The following KIAA1958 variants were observed in gnomAD, a reference collection of about 807,000 sequenced individuals.
KIAA1958 encodes the protein uncharacterized protein KIAA1958.
Under a neutral mutation model 47.2 loss-of-function variants are expected in KIAA1958, and 14 were observed. The observed-to-expected ratio is 0.30, with a 90% CI of 0.20 to 0.46. KIAA1958 has a LOEUF of 0.46. Among genes scored for constraint, KIAA1958 ranks in the 20% least tolerant of loss-of-function variants. The pLI is 1.00. For missense variants in KIAA1958, 803 were observed against 909.2 expected (o/e 0.88, Z 1.50); for synonymous variants, 354 against 353.3 (o/e 1.00, Z -0.02).
chr9:112,588,496 G>A (rs1420548901), intron 2 of KIAA1958, among the ~76,000 whole-genome samples: 3 of 151,992 alleles, frequency 2.0e-5, no homozygotes, highest in Admixed American at 6.6e-5. Context: ...TTTATGTTCC[G>A]CAAAGAAAGA....
At chr9:112,584,032 C>T (rs368729021) in intron 2 of KIAA1958, among the ~76,000 whole-genome samples, 4 of 151,830 alleles carry the variant, frequency 2.6e-5, no homozygotes, top group Non-Finnish European at 5.9e-5. Flanking sequence ...TGCCACTGCA[C>T]GCCAGCCTGA....
At chr9:112,650,527 C>A (rs952174782) in intron 3 of KIAA1958, among the ~76,000 whole-genome samples, 2 of 151,052 alleles carry the variant, frequency 1.3e-5, no homozygotes, top group African/African-American at 4.9e-5. Context: ...ATAGATATTG[C>A]AAATCTTAGA....
At chr9:112,593,469 T>C (rs1467286909) in intron 2 of KIAA1958, among the ~76,000 whole-genome samples, 1 of 152,238 alleles carries the variant, frequency 6.6e-6, no homozygotes, top group Admixed American at 6.5e-5. Flanking sequence ...ATTACTGGTC[T>C]AAAAACTAAC....
chr9:112,656,261 C>T (rs1837148865), intron 3 of KIAA1958, among the ~76,000 whole-genome samples: 1 of 149,920 alleles, frequency 6.7e-6, no homozygotes, highest in South Asian at 2.1e-4. Flanking sequence ...GTAGTCTCAG[C>T]TACTCGGGAG....
At chr9:112,496,664 A>G (rs1471972075) in intron 1 of KIAA1958, among the ~76,000 whole-genome samples, 1 of 150,666 alleles carries the variant, frequency 6.6e-6, no homozygotes. Flanking sequence ...CTTTATTCCC[A>G]CTCCTGCCTC....
rs1837275363 is a variant in KIAA1958 at position 112,661,531 on chromosome 9, T to G, written c.*1462T>G. The G allele has an allele frequency of 6.6e-6, 1 of 152,252 alleles. No homozygotes were observed. The highest frequency in any genetic ancestry group is 1.5e-5 in the Non-Finnish European group (1 of 68,038). 9.4% of individuals were successfully genotyped at this position (152,252 alleles called of 1,614,324 possible). On this transcript the variant is annotated 3_prime_UTR_variant, in exon 4 of 4. Coordinates refer to ENST00000337530, the MANE Select transcript of KIAA1958 (RefSeq NM_133465.4). ...TTTGTAGAAGTCTTAAAATCAGTCC[T>G]CTTTCTTTTTGAAAACATTATTTTA...
chr9:112,626,973 C>T (rs1055041831), intron 2 of KIAA1958, among the ~76,000 whole-genome samples: 13 of 152,144 alleles, frequency 8.5e-5, no homozygotes, highest in Non-Finnish European at 1.3e-4. Flanking sequence ...CTGCTGCTAT[C>T]ACTTATTGTA....
rs201269623 is a variant in KIAA1958, at chr9:112,660,086, G to A, written c.*17G>A. ...TGCCAGTGAGCCCCCACTGGGGCCCGGCCACTGCCCTGTCACCTGCTCGGG... is the reference window on the plus strand; with the variant it reads ...TGCCAGTGAGCCCCCACTGGGGCCCAGCCACTGCCCTGTCACCTGCTCGGG... On this transcript the variant is annotated 3_prime_UTR_variant, in exon 4 of 4. Coordinates refer to ENST00000337530, the MANE Select transcript of KIAA1958 (RefSeq NM_133465.4). 1.7e-5 allele frequency: 28 copies of A among 1,605,714 alleles called. No individual in the cohort carries two copies. The highest frequency in any genetic ancestry group is 2.1e-4 in the Middle Eastern group (1 of 4,680).
At chr9:112,600,516 A>G (rs879532167) in intron 2 of KIAA1958, among the ~76,000 whole-genome samples, 2 of 152,236 alleles carry the variant, frequency 1.3e-5, no homozygotes, top group East Asian at 1.9e-4. Flanking sequence ...TCATACAGTC[A>G]CATAGTGTCT....
At chr9:112,555,803 G>A (rs531384237) in intron 1 of KIAA1958, among the ~76,000 whole-genome samples, 74 of 152,254 alleles carry the variant, frequency 4.9e-4, no homozygotes, top group African/African-American at 1.7e-3. Flanking sequence ...GACCCGGTGC[G>A]GTGGCTCACG....
chr9:112,551,600 G>A (rs1000884644), intron 1 of KIAA1958, among the ~76,000 whole-genome samples: 1 of 152,158 alleles, frequency 6.6e-6, no homozygotes, highest in Non-Finnish European at 1.5e-5. Flanking sequence ...AGTGACTTGA[G>A]TACTCATTTT....
intron 1 of KIAA1958, among the ~76,000 whole-genome samples, chr9:112,509,336 G>A (rs1044809209): frequency 5.9e-5 from 9 of 152,002 alleles, no homozygotes; most frequent in African/African-American, 2.2e-4. Flanking sequence ...AAGTAGCTGG[G>A]ATTACAGGTG....
intron 1 of KIAA1958, among the ~76,000 whole-genome samples, chr9:112,491,608 C>T (rs1177671306): frequency 1.3e-5 from 2 of 151,432 alleles, no homozygotes; most frequent in African/African-American, 4.9e-5. Flanking sequence ...ACCAAAATTC[C>T]ATTAAAACCT....
At chr9:112,532,699 T>C (rs1351041467) in intron 1 of KIAA1958, among the ~76,000 whole-genome samples, 1 of 152,226 alleles carries the variant, frequency 6.6e-6, no homozygotes, top group Non-Finnish European at 1.5e-5. Flanking sequence ...TTACTGGGAT[T>C]AGTTCCTCCA....
chr9:112,630,821 C>A (rs1262043999), intron 2 of KIAA1958, among the ~76,000 whole-genome samples: 1 of 152,202 alleles, frequency 6.6e-6, no homozygotes, highest in East Asian at 1.9e-4. Flanking sequence ...AGTCTTTACT[C>A]ACAGTTGAAT....
chr9:112,553,301 C>T (rs1588015210), intron 1 of KIAA1958, among the ~76,000 whole-genome samples: 1 of 151,888 alleles, frequency 6.6e-6, no homozygotes, highest in East Asian at 1.9e-4. Context: ...TTCCTCCTGG[C>T]TTCAGCCTCC....
intron 1 of KIAA1958, among the ~76,000 whole-genome samples, chr9:112,488,218 GT>G (rs763063704): frequency 1.3e-5 from 2 of 152,150 alleles, no homozygotes; most frequent in Non-Finnish European, 2.9e-5. Flanking sequence ...TCAGAATTGA[GT>G]TTCCCCTCTA....
chr9:112,545,832 T>TTTC, intron 1 of KIAA1958, among the ~76,000 whole-genome samples: 1 of 149,618 alleles, frequency 6.7e-6, no homozygotes, highest in South Asian at 2.1e-4. Context: ...TTTGTTTTTT[T>TTTC]TTTTTTTTTT....
chr9:112,607,895 A>G (rs1191676250), intron 2 of KIAA1958, among the ~76,000 whole-genome samples: 1 of 152,208 alleles, frequency 6.6e-6, no homozygotes, highest in Non-Finnish European at 1.5e-5. Context: ...GAGAATGAGT[A>G]TGAGTGGAGA....
Sources: gnomAD v4.1 joint callset for allele counts (sites outside exome capture counted in the v4.1 genomes callset) on GRCh38, gnomAD v4.1.1 for gene constraint, MANE v1.5 for transcripts, NCBI Gene and HGNC (gene_info 2026-07-23, HGNC 2026-07-21) for gene names.